FAN1: variants seen among roughly 807,000 people sequenced by gnomAD.
The protein encoded by FAN1 is FANCD2 and FANCI associated nuclease 1.
In FAN1, 91 loss-of-function variants were observed where a neutral mutation model predicts 104.9. That is an observed-to-expected ratio of 0.87 (90% CI 0.73 to 1.03). The LOEUF (loss-of-function observed/expected upper bound fraction) is 1.03, where lower values mean the gene tolerates loss of function less well. Ranked by LOEUF, FAN1 falls within the 50% of genes least tolerant of loss-of-function variation. The pLI, the probability that FAN1 is intolerant of heterozygous loss-of-function variation, is 0.00. For missense variants in FAN1, 1,263 were observed against 1,239.9 expected (o/e 1.02, Z -0.28); for synonymous variants, 478 against 457.6 (o/e 1.04, Z -0.57).
intron 2 of FAN1, among the ~76,000 whole-genome samples, chr15:30,907,671 C>T (rs963465812): frequency 1.3e-5 from 2 of 151,992 alleles, no homozygotes; most frequent in Admixed American, 6.6e-5. Context: ...TTAGAGTTGG[C>T]CGAAATTTAA....
intron 14 of FAN1, chr15:30,939,080 C>T (rs192081807): frequency 6.1e-6 from 6 of 985,394 alleles, no homozygotes; most frequent in East Asian, 2.3e-4. Flanking sequence ...TTAGTTTTCT[C>T]GGGAAATCAA....
intron 5 of FAN1, among the ~76,000 whole-genome samples, chr15:30,916,342 G>T (rs941417922): frequency 6.6e-6 from 1 of 152,044 alleles, no homozygotes; most frequent in Non-Finnish European, 1.5e-5. Context: ...ACATGTGTGG[G>T]GTGCATGGGA....
chr15:30,919,522 C>T (rs2062270863), intron 6 of FAN1, among the ~76,000 whole-genome samples: 1 of 151,468 alleles, frequency 6.6e-6, no homozygotes, highest in South Asian at 2.1e-4. Context: ...GAAACCTCGT[C>T]TCTACTAAAA....
chr15:30,935,442 A>G (rs1357035310), intron 13 of FAN1, among the ~76,000 whole-genome samples: 2 of 152,236 alleles, frequency 1.3e-5, no homozygotes, highest in Non-Finnish European at 2.9e-5. Flanking sequence ...AGTATTTGGA[A>G]AAAAGAAAAA....
At chr15:30,923,691 C>T (rs574807474) in intron 8 of FAN1, among the ~76,000 whole-genome samples, 2 of 152,346 alleles carry the variant, frequency 1.3e-5, no homozygotes, top group African/African-American at 4.8e-5. Context: ...TGCCCGGCAC[C>T]GTCTTCTGCC....
intron 7 of FAN1, 60 bp downstream of exon 7, chr15:30,920,713 G>A (rs1417764020): frequency 8.2e-6 from 8 of 970,224 alleles, no homozygotes; most frequent in Non-Finnish European, 1.1e-5. Context: ...AACATGTGAA[G>A]GGACAGCTGT....
chr15:30,941,156 A>T, intron 14 of FAN1: 1 of 1,156,448 alleles, frequency 8.6e-7, no homozygotes, highest in Non-Finnish European at 1.2e-6. Flanking sequence ...AATGTGACTG[A>T]CTATCAGATA....
chr15:30,937,123 T>C lies in FAN1; in HGVS notation c.2921T>C (p.Val974Ala). 6.2e-7 allele frequency: 1 copy of C among 1,606,186 alleles called. No individual in the cohort carries two copies. ...TTTTAAAAATTTCTTTTCCAGCTGGTGGAAGTTAAAGGCCCCAATGATCGT... is the reference window on the plus strand; with the variant it reads ...TTTTAAAAATTTCTTTTCCAGCTGGCGGAAGTTAAAGGCCCCAATGATCGT... ...WNSQSRHFKL[V>A]EVKGPNDRLS... Residue 974 changes from valine to alanine, a missense_variant, in exon 14 of 15, where the codon GTG becomes GCG. Transcript: ENST00000362065.
At chr15:30,922,846 G>GCCA (rs1291880651) in intron 8 of FAN1, among the ~76,000 whole-genome samples, 2 of 152,232 alleles carry the variant, frequency 1.3e-5, no homozygotes, top group African/African-American at 4.8e-5. Flanking sequence ...CTGCCATTTG[G>GCCA]AAGCGTTGTT....
chr15:30,924,025 C>T (rs892051738), intron 8 of FAN1, among the ~76,000 whole-genome samples: 3 of 152,182 alleles, frequency 2.0e-5, no homozygotes, highest in Non-Finnish European at 2.9e-5. Context: ...CTGGCGACGA[C>T]GTCTCATCTA....
At chr15:30,918,128 A>G in intron 5 of FAN1, 36 bp from the exon 6 acceptor site, 2 of 1,612,130 alleles carry the variant, frequency 1.2e-6, no homozygotes, top group Admixed American at 1.7e-5. Context: ...GGGAATGCTC[A>G]TTCTTATTTG....
At chr15:30,904,356 G>A (rs954275986) in intron 1 of FAN1, among the ~76,000 whole-genome samples, 156 bp from the exon 2 acceptor site, 5 of 152,134 alleles carry the variant, frequency 3.3e-5, no homozygotes, top group African/African-American at 1.2e-4. Flanking sequence ...CACTAAGATC[G>A]CGTACAGAGC....
intron 3 of FAN1, among the ~76,000 whole-genome samples, chr15:30,908,663 T>C (rs1303432675): frequency 6.7e-6 from 1 of 150,134 alleles, no homozygotes; most frequent in African/African-American, 2.4e-5. Flanking sequence ...CTGACCAACA[T>C]GGAGAAACCC....
In FAN1 at chr15:30,925,884, G is replaced by GT. The variant is rs2062449924; in HGVS notation, c.2434dup (p.Cys812LeufsTer17). 1 of 1,614,104 alleles carries GT rather than the reference G, an allele frequency of 6.2e-7. No individual in the cohort carries two copies. Among genetic ancestry groups the GT allele is most frequent in the Non-Finnish European group, 8.5e-7 (1 of 1,180,042 alleles). ...AGGCCGCTGACCCCACCACGGTCCT[G>GT]TGCTCTGTGGAGGAGCTGGCACTGG... is the stretch of plus-strand genomic sequence containing the variant. On this transcript the variant is annotated frameshift_variant, in exon 10 of 15. Coordinates refer to ENST00000362065, the MANE Select transcript of FAN1 (RefSeq NM_014967.5). LOFTEE classifies it high-confidence loss of function.
At position 30,923,730 on chromosome 15, in the gene FAN1, T is replaced by C. The variant is rs117257281; in HGVS notation, c.2172+1376T>C. Among the ~76,000 whole-genome samples the C allele has an allele frequency of 1.4e-3, 219 of 152,330 alleles. 2 individuals carry two copies. In the East Asian group the frequency reaches 0.038, roughly 26 times the overall value. Reference sequence around the variant, plus strand: ...GAACAGGGTGCCCTTCAGAGTCTCATTCTCCCATCTTCATTTCCTTCAGCC... The same window carrying C: ...GAACAGGGTGCCCTTCAGAGTCTCACTCTCCCATCTTCATTTCCTTCAGCC... On this transcript the variant is annotated intron_variant, in intron 8 of 14. Transcript: ENST00000362065.
chr15:30,915,481 A>G (rs1300310766), intron 5 of FAN1, among the ~76,000 whole-genome samples: 1 of 152,186 alleles, frequency 6.6e-6, no homozygotes, highest in African/African-American at 2.4e-5. Context: ...TAAATGTTTG[A>G]GGTGATGCCT....
chr15:30,908,365 G>T, intron 3 of FAN1, 107 bp downstream of exon 3: 1 of 856,570 alleles, frequency 1.2e-6, no homozygotes, highest in Non-Finnish European at 1.7e-6. Context: ...GTGGTGCCTG[G>T]TAACTTACTG....
At chr15:30,920,170 A>T (rs1331480576) in intron 6 of FAN1, among the ~76,000 whole-genome samples, 2 of 152,246 alleles carry the variant, frequency 1.3e-5, no homozygotes, top group Non-Finnish European at 2.9e-5. Context: ...TTGAAATTTC[A>T]GTTTCATACA....
chr15:30,932,085 G>A (rs556000276), intron 13 of FAN1, among the ~76,000 whole-genome samples: 78 of 152,000 alleles, frequency 5.1e-4, no homozygotes, highest in African/African-American at 1.8e-3. Context: ...AGCCGGGTGT[G>A]GTGGCGGGCG....
Sources: gnomAD v4.1 joint callset for allele counts (sites outside exome capture counted in the v4.1 genomes callset) on GRCh38, gnomAD v4.1.1 for gene constraint, MANE v1.5 for transcripts, NCBI Gene and HGNC (gene_info 2026-07-23, HGNC 2026-07-21) for gene names.